Variants in OPA1 observed in about 807,000 individuals in gnomAD.
The protein encoded by OPA1 is OPA1 mitochondrial dynamin like GTPase, also known as dynamin-like GTPase OPA1, mitochondrial.
A neutral mutation model predicts 152.9 loss-of-function variants in OPA1; 59 were observed. The ratio of observed to expected loss-of-function variants is 0.39; its 90% CI spans 0.31 to 0.48. OPA1 has a LOEUF of 0.48. Ranked by LOEUF, OPA1 falls within the 20% of genes least tolerant of loss-of-function variation. OPA1 has a pLI of 0.96. For missense variants in OPA1, 1,008 were observed against 1,216.8 expected, an observed-to-expected ratio of 0.83 and a Z score of 2.55; for synonymous variants, 400 against 389.9, an observed-to-expected ratio of 1.03 and a Z score of -0.31.
intron 21 of OPA1, among the ~76,000 whole-genome samples, chr3:193,649,839 A>G (rs1711954431): frequency 6.6e-6 from 1 of 152,208 alleles, no homozygotes; most frequent in Non-Finnish European, 1.5e-5. Context: ...TGATTAATCA[A>G]ACATTGTTAT....
intron 21 of OPA1, among the ~76,000 whole-genome samples, chr3:193,650,931 G>A (rs933111661): frequency 2.6e-5 from 4 of 151,796 alleles, no homozygotes; most frequent in East Asian, 1.9e-4. Flanking sequence ...AGAAATTCTC[G>A]GACTTCAGAA....
chr3:193,689,506 G>GA (rs1284674296), intron 29 of OPA1, among the ~76,000 whole-genome samples: 4 of 151,914 alleles, frequency 2.6e-5, no homozygotes, highest in Non-Finnish European at 4.4e-5. Context: ...TTTTATTTAG[G>GA]AAAAAAACTG....
At chr3:193,599,997 G>A (rs1293803012) in intron 1 of OPA1, among the ~76,000 whole-genome samples, 2 of 152,244 alleles carry the variant, frequency 1.3e-5, no homozygotes, top group African/African-American at 4.8e-5. Context: ...AGTGGTTGAA[G>A]TATGGCCGCT....
intron 13 of OPA1, 110 bp from the exon 14 acceptor site, chr3:193,643,263 T>A: frequency 1.1e-6 from 1 of 935,964 alleles, no homozygotes; most frequent in Non-Finnish European, 1.7e-6. Context: ...GTGAGCGTCT[T>A]ATCTGAATGG....
chr3:193,619,069 T>A, intron 6 of OPA1, 133 bp downstream of exon 6: 1 of 741,328 alleles, frequency 1.3e-6, no homozygotes, highest in Non-Finnish European at 2.4e-6. Context: ...ATATCGTTAC[T>A]AATCTTAGTG....
At chr3:193,601,465 G>T (rs1464102485) in intron 1 of OPA1, among the ~76,000 whole-genome samples, 1 of 152,184 alleles carries the variant, frequency 6.6e-6, no homozygotes, top group African/African-American at 2.4e-5. Context: ...ACCCTCAGGG[G>T]TTGGAAAAGG....
intron 1 of OPA1, among the ~76,000 whole-genome samples, chr3:193,607,294 G>T (rs1727440152): frequency 2.0e-5 from 3 of 152,236 alleles, no homozygotes; most frequent in East Asian, 1.9e-4. Context: ...GTCAATTTTG[G>T]CTTTTGTTGC....
intron 6 of OPA1, among the ~76,000 whole-genome samples, chr3:193,622,813 C>T (rs1304895599): frequency 1.3e-5 from 2 of 152,092 alleles, no homozygotes; most frequent in African/African-American, 4.8e-5. Flanking sequence ...TTAGTAAAAT[C>T]AGTTGATTGA....
chr3:193,628,174 G>A (rs1196225696), intron 7 of OPA1, among the ~76,000 whole-genome samples: 2 of 152,038 alleles, frequency 1.3e-5, no homozygotes, highest in South Asian at 2.1e-4. Context: ...AAAACCGCAA[G>A]TACTTTTTGT....
At chr3:193,681,941 T>G (rs1471006479) in intron 29 of OPA1, among the ~76,000 whole-genome samples, 2 of 152,176 alleles carry the variant, frequency 1.3e-5, no homozygotes, top group African/African-American at 4.8e-5. Context: ...AACCCTACAA[T>G]GGCCTCTACA....
At chr3:193,631,570 T>A (rs752204517) in intron 7 of OPA1, 42 bp from the exon 8 acceptor site, 1 of 1,463,558 alleles carries the variant, frequency 6.8e-7, no homozygotes, top group South Asian at 1.1e-5. Context: ...ACATTCTGTA[T>A]AAACCTAATT....
chr3:193,688,507 C>T (rs1721248248), intron 29 of OPA1, among the ~76,000 whole-genome samples: 4 of 94,048 alleles, frequency 4.3e-5, no homozygotes, highest in South Asian at 8.7e-4. Context: ...GAGACAGAGT[C>T]TCGCTATGTC....
At chr3:193,622,275 C>T (rs1730259983) in intron 6 of OPA1, among the ~76,000 whole-genome samples, 1 of 144,192 alleles carries the variant, frequency 6.9e-6, no homozygotes, top group African/African-American at 2.6e-5. Flanking sequence ...TGTCACCCGG[C>T]TGGAGTACAG....
At chr3:193,661,769 A>G (rs939865544) in intron 25 of OPA1, among the ~76,000 whole-genome samples, 4 of 152,176 alleles carry the variant, frequency 2.6e-5, no homozygotes, top group African/African-American at 9.7e-5. Flanking sequence ...GATGGGTAGA[A>G]AGGGGGAAGT....
chr3:193,625,957 G>C (rs1249492318), intron 6 of OPA1, 135 bp from the exon 7 acceptor site: 2 of 732,822 alleles, frequency 2.7e-6, no homozygotes, highest in East Asian at 5.2e-5. Context: ...GGGTATGACG[G>C]CTTTAAATGA....
chr3:193,598,663 T>C (rs1413517120), intron 1 of OPA1, among the ~76,000 whole-genome samples: 1 of 151,926 alleles, frequency 6.6e-6, no homozygotes, highest in African/African-American at 2.4e-5. Context: ...AGGTGGTAAG[T>C]GGGTGAATAG....
chr3:193,668,511 C>G (rs777057657), intron 29 of OPA1: 2 of 1,549,924 alleles, frequency 1.3e-6, no homozygotes, highest in Non-Finnish European at 1.7e-6. Flanking sequence ...TCCTTCCCAC[C>G]CGCTAGCCTC....
chr3:193,635,589 A>C lies in OPA1; in HGVS notation c.948+67A>C. 3 of 898,122 alleles carry C rather than the reference A, an allele frequency of 3.3e-6. No individual in the cohort carries two copies. The South Asian group carries it at 3.9e-5, about 12-fold the overall frequency. The allele number at this position is 898,122 out of a possible 1,614,324, so 55.6% of individuals were successfully genotyped here. A position where few individuals can be genotyped will look rare whatever the true frequency, so the allele number is the denominator to read the frequency against. ...TTAACGTTGTGTGTTCATCAGTACC[A>C]GTTTCTAAGGAGCTGTAAAGTATTC... is the stretch of plus-strand genomic sequence containing the variant. On this transcript the variant is annotated intron_variant, in intron 9 of 30. Coordinates refer to ENST00000361510, the MANE Select transcript of OPA1 (RefSeq NM_130837.3).
rs781571640 is a variant in OPA1 at position 193,648,803 on chromosome 3, A to G, written c.1944A>G (p.Leu648=). Residue 648 remains leucine (L), a synonymous_variant, in exon 21 of 31, where the codon CTA becomes CTG. Coordinates refer to ENST00000361510, the MANE Select transcript of OPA1 (RefSeq NM_130837.3). The part of the protein sequence containing the change: ...PRLRELDRNE[L]FEKAKNEILD... ...GTATTTATATTGCCTAGAATGAACT[A>G]TTTGAAAAAGCTAAAAATGAAATCC... 31 of 1,598,996 alleles carry G rather than the reference A, an allele frequency of 1.9e-5. No homozygotes were observed. Among genetic ancestry groups the G allele is most frequent in the Admixed American group, 1.7e-4 (10 of 59,956 alleles).
Sources: allele counts gnomAD v4.1 joint callset (sites outside exome capture counted in the v4.1 genomes callset), GRCh38; gene constraint gnomAD v4.1.1; transcripts MANE v1.5; gene names NCBI Gene and HGNC (gene_info 2026-07-23, HGNC 2026-07-21).